Variants in ZNF106 observed in about 807,000 individuals in gnomAD.
ZNF106 encodes SH3-domain binding protein 3.
In ZNF106, 67 loss-of-function variants were observed where a neutral mutation model predicts 195.1. The observed-to-expected ratio is 0.34, with a 90% CI of 0.28 to 0.42. The LOEUF is 0.42. ZNF106 is among the 10% of genes least tolerant of loss of function. ZNF106 has a pLI of 1.00. For missense variants in ZNF106, 2,118 were observed against 2,304.5 expected (o/e 0.92, Z 1.66); for synonymous variants, 784 against 818.6 (o/e 0.96, Z 0.72).
intron 14 of ZNF106, among the ~76,000 whole-genome samples, chr15:42,433,905 G>T (rs961071304): frequency 1.3e-5 from 2 of 152,068 alleles, no homozygotes; most frequent in African/African-American, 4.8e-5. Flanking sequence ...CTGTAGTGAA[G>T]TGACACAAGC....
chr15:42,481,888 T>A (rs1361806001), intron 1 of ZNF106, among the ~76,000 whole-genome samples: 1 of 152,200 alleles, frequency 6.6e-6, no homozygotes, highest in African/African-American at 2.4e-5. Flanking sequence ...CCCACCAAAT[T>A]TGGGAAATTT....
chr15:42,469,801 G>A (rs1046511128), intron 2 of ZNF106, among the ~76,000 whole-genome samples: 1 of 150,070 alleles, frequency 6.7e-6, no homozygotes, highest in Admixed American at 6.7e-5. Flanking sequence ...TGGCTCCACT[G>A]CACTCCAGCC....
At position 42,414,034 on chromosome 15, in the gene ZNF106, T is replaced by A. The variant is rs1374310842; in HGVS notation, c.*3270A>T. The A allele has an allele frequency of 1.3e-5, 2 of 152,264 alleles. No individual in the cohort carries two copies. The highest frequency in any genetic ancestry group is 4.8e-5 in the African/African-American group (2 of 41,468). 9.4% of individuals were successfully genotyped at this position (152,264 alleles called of 1,614,324 possible). A position where few individuals can be genotyped will look rare whatever the true frequency, so the allele number is the denominator to read the frequency against. On this transcript the variant is annotated 3_prime_UTR_variant, in exon 22 of 22. Transcript: ENST00000564754. ...AGATTTATACTATGGTTTTCTTGGC[T>A]TTAAGCCATTAGAATTAGACAAAAG...
At chr15:42,418,810 T>C (rs1020700441) in intron 20 of ZNF106, among the ~76,000 whole-genome samples, 1 of 152,292 alleles carries the variant, frequency 6.6e-6, no homozygotes, top group African/African-American at 2.4e-5. Context: ...AGCCTGACTT[T>C]ACTCACAACC....
intron 3 of ZNF106, among the ~76,000 whole-genome samples, chr15:42,464,354 A>C (rs2056463880): frequency 1.3e-5 from 2 of 150,328 alleles, no homozygotes; most frequent in Non-Finnish European, 3.0e-5. Flanking sequence ...AAAAAAAAAC[A>C]AAAAACCACA....
In ZNF106 at chr15:42,446,673, A is replaced by G. The variant is rs1429296570; in HGVS notation, c.3136-15T>C. The G allele has an allele frequency of 6.3e-7, 1 of 1,582,410 alleles. No individual in the cohort carries two copies. ...GAAGATCCATCCTGGAAGGATAAAGAAAACTGAATAAAATCCAATGTGTAA... is the reference window on the plus strand; with the variant it reads ...GAAGATCCATCCTGGAAGGATAAAGGAAACTGAATAAAATCCAATGTGTAA... On this transcript the variant is annotated splice_polypyrimidine_tract_variant and intron_variant, in intron 6 of 21. Coordinates refer to ENST00000564754, the MANE Select transcript of ZNF106 (RefSeq NM_001366845.3).
At position 42,414,833 on chromosome 15, in the gene ZNF106, C is replaced by G. The variant is rs1394977389; in HGVS notation, c.*2471G>C. Reference sequence around the variant, plus strand: ...CCAGGTTTAGTCATCGATCCAGATGCATTTTCCCGGGAAATGACCATTCCC... The same window carrying G: ...CCAGGTTTAGTCATCGATCCAGATGGATTTTCCCGGGAAATGACCATTCCC... On this transcript the variant is annotated 3_prime_UTR_variant, in exon 22 of 22. Coordinates refer to ENST00000564754, the MANE Select transcript of ZNF106 (RefSeq NM_001366845.3). 1 of 152,268 alleles carries G rather than the reference C, an allele frequency of 6.6e-6. No individual in the cohort carries two copies. The highest frequency in any genetic ancestry group is 1.5e-5 in the Non-Finnish European group (1 of 68,072). 9.4% of individuals were successfully genotyped at this position (152,268 alleles called of 1,614,324 possible). A position where few individuals can be genotyped will look rare whatever the true frequency, so the allele number is the denominator to read the frequency against.
intron 1 of ZNF106, among the ~76,000 whole-genome samples, chr15:42,485,111 T>C (rs540501878): frequency 1.3e-5 from 2 of 152,254 alleles, no homozygotes; most frequent in South Asian, 4.1e-4. Flanking sequence ...ACCATGCCAC[T>C]GCACTCCAGC....
intron 1 of ZNF106, among the ~76,000 whole-genome samples, chr15:42,479,197 A>C (rs1317666348): frequency 6.6e-6 from 1 of 151,930 alleles, no homozygotes; most frequent in South Asian, 2.1e-4. Context: ...AACATGGTGA[A>C]ACCCCGTCTC....
intron 9 of ZNF106, among the ~76,000 whole-genome samples, chr15:42,442,877 G>A (rs553038473): frequency 7.9e-5 from 12 of 152,042 alleles, no homozygotes; most frequent in African/African-American, 2.7e-4. Flanking sequence ...TCCACCTCCC[G>A]GGTCCAAGCG....
chr15:42,466,768 T>G (rs867834022), intron 2 of ZNF106, among the ~76,000 whole-genome samples: 1 of 152,244 alleles, frequency 6.6e-6, no homozygotes, highest in Non-Finnish European at 1.5e-5. Context: ...AATGAAAAGT[T>G]TGAACATTTA....
At position 42,449,755 on chromosome 15, in the gene ZNF106, G is replaced by A. The variant is rs377223517; in HGVS notation, c.2501+16C>T. ...AGAAAGTGAGGAAAAAAAAGACACC[G>A]AAAAGCAGCACACACCTGGGTAAGC... On this transcript the variant is annotated intron_variant, in intron 5 of 21. Coordinates refer to ENST00000564754, the MANE Select transcript of ZNF106 (RefSeq NM_001366845.3). The A allele has an allele frequency of 6.2e-5, 98 of 1,585,848 alleles. No homozygotes were observed. The highest frequency in any genetic ancestry group is 1.1e-4 in the East Asian group (5 of 44,496).
chr15:42,436,192 A>T (rs1413447318), intron 13 of ZNF106, among the ~76,000 whole-genome samples: 3 of 152,078 alleles, frequency 2.0e-5, no homozygotes, highest in African/African-American at 7.2e-5. Context: ...TGACCTCATG[A>T]TCCACCCACC....
intron 6 of ZNF106, among the ~76,000 whole-genome samples, chr15:42,447,340 C>A (rs1454637288): frequency 1.3e-5 from 2 of 151,898 alleles, no homozygotes; most frequent in Non-Finnish European, 2.9e-5. Flanking sequence ...CATTGTGAGA[C>A]CTCATCTCTA....
At chr15:42,473,684 C>T (rs2056727584) in intron 1 of ZNF106, among the ~76,000 whole-genome samples, 1 of 152,118 alleles carries the variant, frequency 6.6e-6, no homozygotes, top group Non-Finnish European at 1.5e-5. Context: ...CCCTATTAAC[C>T]TGCTTAATTT....
At chr15:42,481,178 C>A (rs897433255) in intron 1 of ZNF106, among the ~76,000 whole-genome samples, 2 of 151,956 alleles carry the variant, frequency 1.3e-5, no homozygotes, top group African/African-American at 4.8e-5. Flanking sequence ...TTTAAAATAT[C>A]TACCCAGATA....
chr15:42,421,257 T>C (rs2054646480), intron 19 of ZNF106, 125 bp from the exon 20 acceptor site: 2 of 840,916 alleles, frequency 2.4e-6, no homozygotes, highest in Non-Finnish European at 2.0e-6. Flanking sequence ...CAAAACCAGC[T>C]CCAGAGCAGG....
rs1424188672 is a variant in ZNF106 at position 42,466,123 on chromosome 15, TA to T, written c.55-10del. 1 of 1,519,912 alleles carries T rather than the reference TA, an allele frequency of 6.6e-7. No individual in the cohort carries two copies. 94.2% of individuals were successfully genotyped at this position (1,519,912 alleles called of 1,614,324 possible). ...ATGTGTTCGTCCATCTCCTTCAAAA[TA>T]AAAGAAAGTAGATTAAAACTAAGCA... On this transcript the variant is annotated splice_polypyrimidine_tract_variant and intron_variant, in intron 2 of 21. Coordinates refer to ENST00000564754, the MANE Select transcript of ZNF106 (RefSeq NM_001366845.3).
intron 1 of ZNF106, among the ~76,000 whole-genome samples, chr15:42,484,826 A>G (rs1314887256): frequency 6.6e-6 from 1 of 152,164 alleles, no homozygotes; most frequent in Non-Finnish European, 1.5e-5. Flanking sequence ...AAGAAAGCAC[A>G]GTCCCTTGAT....
Sources: gnomAD v4.1 joint callset for allele counts (sites outside exome capture counted in the v4.1 genomes callset) on GRCh38, gnomAD v4.1.1 for gene constraint, MANE v1.5 for transcripts, NCBI Gene and HGNC (gene_info 2026-07-23, HGNC 2026-07-21) for gene names.